MRPL11: variants seen among roughly 807,000 people sequenced by gnomAD.
The protein encoded by MRPL11 is mitochondrial ribosomal protein L11.
A neutral mutation model predicts 19.1 loss-of-function variants in MRPL11; 21 were observed. That is an observed-to-expected ratio of 1.10 (90% CI 0.78 to 1.58). MRPL11 has a LOEUF of 1.58. Ranked by LOEUF, MRPL11 falls within the 40% of genes most tolerant of loss-of-function variation. MRPL11 has a pLI of 0.00. For missense variants in MRPL11, 242 were observed against 243.9 expected, an observed-to-expected ratio of 0.99 and a Z score of 0.05; for synonymous variants, 108 against 99.7, an observed-to-expected ratio of 1.08 and a Z score of -0.49.
rs1856963536 is a variant in MRPL11, at chr11:66,436,128, G to C, written c.474-16C>G. ...TGAACTGAGGCTGCAAGTGAAAAAAGACAAATGGTTGGCGCATGATTGGTC... is the reference window on the plus strand; with the variant it reads ...TGAACTGAGGCTGCAAGTGAAAAAACACAAATGGTTGGCGCATGATTGGTC... On this transcript the variant is annotated splice_polypyrimidine_tract_variant and intron_variant, in intron 4 of 4. Transcript: ENST00000310999. 1 of 1,608,434 alleles carries C rather than the reference G, an allele frequency of 6.2e-7. No homozygotes were observed. Among genetic ancestry groups the C allele is most frequent in the Non-Finnish European group, 8.5e-7 (1 of 1,175,776 alleles).
In MRPL11 at chr11:66,435,995, GT is replaced by G; in HGVS notation, c.*11del. On this transcript the variant is annotated 3_prime_UTR_variant, in exon 5 of 5. Coordinates refer to ENST00000310999, the MANE Select transcript of MRPL11 (RefSeq NM_016050.5). ...TACCTCCTTTGAAATCTGGGAGTTGGTGGGGCAAGGGTCACTTCTTGGCAGC... is the reference window on the plus strand; with the variant it reads ...TACCTCCTTTGAAATCTGGGAGTTGGGGGGCAAGGGTCACTTCTTGGCAGC... 6.2e-7 allele frequency: 1 copy of G among 1,606,772 alleles called. No homozygotes were observed. Among genetic ancestry groups the G allele is most frequent in the Non-Finnish European group, 8.5e-7 (1 of 1,174,258 alleles).
At chr11:66,437,015 C>T in intron 4 of MRPL11, 89 bp downstream of exon 4, 2 of 1,387,902 alleles carry the variant, frequency 1.4e-6, no homozygotes, top group Non-Finnish European at 2.0e-6. Flanking sequence ...TAAAAGCTGA[C>T]TTTCCCACTG....
At chr11:66,436,695 T>C (rs927341249) in intron 4 of MRPL11, 8 of 739,490 alleles carry the variant, frequency 1.1e-5, no homozygotes, top group Admixed American at 2.3e-5. Context: ...AATGAAACAA[T>C]TCCTGAAGTC....
chr11:66,435,556 CATAGTT>C lies in MRPL11; in HGVS notation c.*445_*450del, dbSNP rs1191833926. ...AGCAATACACCTCAGCCCTAGCAACCATAGTTCCCACCCTGGGGAGGGGAAGAACAC... is the reference window on the plus strand; with the variant it reads ...AGCAATACACCTCAGCCCTAGCAACCCCCACCCTGGGGAGGGGAAGAACAC... On this transcript the variant is annotated 3_prime_UTR_variant, in exon 5 of 5. Transcript: ENST00000310999. 1 of 157,560 alleles carries C rather than the reference CATAGTT, an allele frequency of 6.3e-6. No individual in the cohort carries two copies. Among genetic ancestry groups the C allele is most frequent in the Non-Finnish European group, 1.4e-5 (1 of 71,304 alleles). The allele number at this position is 157,560 out of a possible 1,614,324, so 9.8% of individuals were successfully genotyped here. A position where few individuals can be genotyped will look rare whatever the true frequency, so the allele number is the denominator to read the frequency against.
rs144895635 is a variant in MRPL11 at position 66,435,871 on chromosome 11, G to A, written c.*136C>T. On this transcript the variant is annotated 3_prime_UTR_variant, in exon 5 of 5. Coordinates refer to ENST00000310999, the MANE Select transcript of MRPL11 (RefSeq NM_016050.5). ...GATGTTTATTCAGGCCTGATGCCTC[G>A]ATACAGCTAGATGTACAAAAATATA... 4.6e-6 allele frequency: 3 copies of A among 657,714 alleles called. No individual in the cohort carries two copies. Among genetic ancestry groups the A allele is most frequent in the South Asian group, 3.6e-5 (2 of 55,884 alleles). 40.7% of individuals were successfully genotyped at this position (657,714 alleles called of 1,614,324 possible). A position where few individuals can be genotyped will look rare whatever the true frequency, so the allele number is the denominator to read the frequency against.
chr11:66,436,252 C>T (rs1856966688), intron 4 of MRPL11, 140 bp from the exon 5 acceptor site: 6 of 640,918 alleles, frequency 9.4e-6, no homozygotes, highest in Non-Finnish European at 1.7e-5. Flanking sequence ...CCCTGACTTC[C>T]CAGCCTCCAT....
chr11:66,437,053 T>C (rs747918036), intron 4 of MRPL11, 51 bp downstream of exon 4: 16 of 1,597,278 alleles, frequency 1.0e-5, no homozygotes, highest in Non-Finnish European at 1.4e-5. Flanking sequence ...TCTGCCCGAG[T>C]CCAGAGCTTT....
At chr11:66,437,725 T>C (rs910537438) in intron 2 of MRPL11, among the ~76,000 whole-genome samples, 2 of 151,992 alleles carry the variant, frequency 1.3e-5, no homozygotes, top group African/African-American at 4.8e-5. Context: ...ATACAAAAAA[T>C]TAGCCGGGCG....
At position 66,435,946 on chromosome 11, in the gene MRPL11, C is replaced by A. The variant is rs1201711507; in HGVS notation, c.*61G>T. 8 of 1,264,382 alleles carry A rather than the reference C, an allele frequency of 6.3e-6. No individual in the cohort carries two copies. Among genetic ancestry groups the A allele is most frequent in the African/African-American group, 2.9e-5 (2 of 68,304 alleles). The allele number at this position is 1,264,382 out of a possible 1,614,324, so 78.3% of individuals were successfully genotyped here. ...ATCATATTGGTGTGACCTCCTTCCT[C>A]CCCTTGGGCACAGCTTTTGCAACTA... is the stretch of plus-strand genomic sequence containing the variant. On this transcript the variant is annotated 3_prime_UTR_variant, in exon 5 of 5. Transcript: ENST00000310999.
chr11:66,437,345 C>T lies in MRPL11; in HGVS notation c.313+5G>A. 2 of 1,614,204 alleles carry T rather than the reference C, an allele frequency of 1.2e-6. No homozygotes were observed. The highest frequency in any genetic ancestry group is 1.7e-6 in the Non-Finnish European group (2 of 1,180,030). ...AGAATCTCAGATGCTTACCCTGGCCCTCACCTGTTTGCCGGGCCCCCTTTT... is the reference window on the plus strand; with the variant it reads ...AGAATCTCAGATGCTTACCCTGGCCTTCACCTGTTTGCCGGGCCCCCTTTT... On this transcript the variant is annotated splice_donor_5th_base_variant and intron_variant, in intron 3 of 4. Coordinates refer to ENST00000310999, the MANE Select transcript of MRPL11 (RefSeq NM_016050.5).
Position 66,437,227 on chromosome 11 carries a change from A to G in MRPL11, c.350T>C (p.Val117Ala). Reference sequence around the variant, plus strand: ...AGCTTTGATGCGGGCAATCTCATACACATGCTTCAAGGTCACCAGGCCTGC... The same window carrying G: ...AGCTTTGATGCGGGCAATCTCATACGCATGCTTCAAGGTCACCAGGCCTGC... Reference protein sequence around the residue: ...EVAGLVTLKHVYEIARIKAQD... With the variant: ...EVAGLVTLKHAYEIARIKAQD... The change falls in exon 4 of 5, where the codon GTG becomes GCG. Residue 117 changes from valine to alanine, a missense_variant. Coordinates refer to ENST00000310999, the MANE Select transcript of MRPL11 (RefSeq NM_016050.5). 2 of 1,614,150 alleles carry G rather than the reference A, an allele frequency of 1.2e-6. No individual in the cohort carries two copies. The highest frequency in any genetic ancestry group is 2.2e-5 in the South Asian group (2 of 91,088).
chr11:66,438,707 G>A lies in MRPL11; in HGVS notation c.48C>T (p.Val16=). ...GCACGATCGCCCGGATCACACCGCC[G>A]ACCTCGGGCTTCCTGAGGCCCCGGG... ...RAARGLRKPE[V]GGVIRAIVRA... The change falls in exon 1 of 5, where the codon GTC becomes GTT. Residue 16 remains valine, a synonymous_variant. Transcript: ENST00000310999. 1 of 1,584,038 alleles carries A rather than the reference G, an allele frequency of 6.3e-7. No homozygotes were observed. Among genetic ancestry groups the A allele is most frequent in the Non-Finnish European group, 8.6e-7 (1 of 1,163,526 alleles).
At position 66,436,847 on chromosome 11, in the gene MRPL11, C is replaced by T. The variant is rs375331528; in HGVS notation, c.473+257G>A. The T allele has an allele frequency of 2.5e-6, 4 of 1,614,042 alleles. No individual in the cohort carries two copies. In the African/African-American group the frequency reaches 4.0e-5, roughly 16 times the overall value. On this transcript the variant is annotated intron_variant, in intron 4 of 4. Transcript: ENST00000310999. Reference sequence around the variant, plus strand: ...GACGACAGACCCAGGTCACACTGAACTTCTCCCACTTGGATCCTTCATGGA... The same window carrying T: ...GACGACAGACCCAGGTCACACTGAATTTCTCCCACTTGGATCCTTCATGGA...
chr11:66,438,729 C>G lies in MRPL11; in HGVS notation c.26G>C (p.Arg9Pro). Reference sequence around the variant, plus strand: ...GCCGACCTCGGGCTTCCTGAGGCCCCGGGCGGCCCGGCCGAGCTTTGACAT... The same window carrying G: ...GCCGACCTCGGGCTTCCTGAGGCCCGGGGCGGCCCGGCCGAGCTTTGACAT... Reference protein sequence around the residue: MSKLGRAARGLRKPEVGGV... With the variant: MSKLGRAAPGLRKPEVGGV... Residue 9 changes from arginine to proline, a missense_variant, in exon 1 of 5, where the codon CGG (arginine) becomes CCG (proline). Coordinates refer to ENST00000310999, the MANE Select transcript of MRPL11 (RefSeq NM_016050.5). 1 of 1,575,792 alleles carries G rather than the reference C, an allele frequency of 6.3e-7. No homozygotes were observed. Among genetic ancestry groups the G allele is most frequent in the Non-Finnish European group, 8.6e-7 (1 of 1,159,760 alleles).
chr11:66,437,046 GC>G, intron 4 of MRPL11, 57 bp downstream of exon 4: 2 of 1,590,368 alleles, frequency 1.3e-6, no homozygotes, highest in Non-Finnish European at 1.7e-6. Context: ...TCTCAGCTCT[GC>G]CCGAGTCCAG....
chr11:66,438,356 T>C (rs1857031165), intron 1 of MRPL11, 97 bp from the exon 2 acceptor site: 1 of 1,081,848 alleles, frequency 9.2e-7, no homozygotes, highest in South Asian at 1.3e-5. Flanking sequence ...TTCACTTCTC[T>C]GGGTTCCCAT....
At chr11:66,438,519 G>T in intron 1 of MRPL11, 113 bp downstream of exon 1, 1 of 1,389,208 alleles carries the variant, frequency 7.2e-7, no homozygotes, top group Non-Finnish European at 9.7e-7. Context: ...GTGAGAAGCA[G>T]AGCCGAGCTC....
Position 66,435,832 on chromosome 11 carries a change from A to G in MRPL11, c.*175T>C, listed in dbSNP as rs1054391631. On this transcript the variant is annotated 3_prime_UTR_variant, in exon 5 of 5. Coordinates refer to ENST00000310999, the MANE Select transcript of MRPL11 (RefSeq NM_016050.5). ...CTGAGGTCCCAAGATAGAAGATGAC[A>G]GTGGGTAAGAAAGGATGTTTATTCA... is the stretch of plus-strand genomic sequence containing the variant. 2 of 579,426 alleles carry G rather than the reference A, an allele frequency of 3.5e-6. No individual in the cohort carries two copies. Among genetic ancestry groups the G allele is most frequent in the African/African-American group, 3.7e-5 (2 of 53,638 alleles). The allele number at this position is 579,426 out of a possible 1,614,324, so 35.9% of individuals were successfully genotyped here.
intron 4 of MRPL11, 55 bp from the exon 5 acceptor site, chr11:66,436,167 C>G: frequency 1.4e-6 from 2 of 1,479,892 alleles, no homozygotes; most frequent in Non-Finnish European, 1.9e-6. Flanking sequence ...AGTGGGAGCT[C>G]ACAGGACCCT....
Sources: allele counts gnomAD v4.1 joint callset (sites outside exome capture counted in the v4.1 genomes callset), GRCh38; gene constraint gnomAD v4.1.1; transcripts MANE v1.5; gene names NCBI Gene and HGNC (gene_info 2026-07-23, HGNC 2026-07-21).